The following MDGA2 variants were observed in gnomAD, a reference collection of about 807,000 sequenced individuals.
MDGA2 encodes the protein MAM domain containing glycosylphosphatidylinositol anchor 2, also known as MAM domain-containing glycosylphosphatidylinositol anchor protein 2.
MDGA2 carries 40 observed loss-of-function variants against 117.8 expected under a neutral mutation model. The ratio of observed to expected loss-of-function variants is 0.34; its 90% confidence interval spans 0.26 to 0.44. MDGA2 has a LOEUF of 0.44. Among genes scored for constraint, MDGA2 ranks in the 20% least tolerant of loss-of-function variants. The probability of loss-of-function intolerance (pLI) is 1.00; values close to 1 mark genes in which losing one functional copy is unlikely to be tolerated. For missense variants in MDGA2, 1,123 were observed against 1,250.6 expected (o/e 0.90, Z 1.54); for synonymous variants, 452 against 439.0 (o/e 1.03, Z -0.37).
At chr14:47,142,726 G>A (rs949024672) in intron 4 of MDGA2, among the ~76,000 whole-genome samples, 1 of 152,088 alleles carries the variant, frequency 6.6e-6, no homozygotes, top group African/African-American at 2.4e-5. Context: ...ATGTATGGGG[G>A]AAAATTCAGT....
chr14:47,135,073 T>C (rs991847994), intron 4 of MDGA2, among the ~76,000 whole-genome samples: 1 of 152,100 alleles, frequency 6.6e-6, no homozygotes, highest in Non-Finnish European at 1.5e-5. Flanking sequence ...ACTGAAATAG[T>C]ACCTAGTAAT....
chr14:46,880,726 C>T (rs752469967), intron 11 of MDGA2, among the ~76,000 whole-genome samples: 19 of 148,514 alleles, frequency 1.3e-4, no homozygotes, highest in Admixed American at 2.0e-4. Context: ...TGCTTGTACC[C>T]AGGAGGTGGA....
At chr14:47,405,885 G>C (rs1249189420) in intron 1 of MDGA2, among the ~76,000 whole-genome samples, 3 of 152,052 alleles carry the variant, frequency 2.0e-5, no homozygotes, top group Non-Finnish European at 4.4e-5. Flanking sequence ...ACTCAACATT[G>C]TAAGTAGCAC....
intron 3 of MDGA2, among the ~76,000 whole-genome samples, chr14:47,210,100 A>G (rs1885827293): frequency 6.6e-6 from 1 of 152,196 alleles, no homozygotes; most frequent in African/African-American, 2.4e-5. Flanking sequence ...TAACACAGGT[A>G]AATTGTACTT....
chr14:47,040,361 T>C (rs1456091053), intron 7 of MDGA2, among the ~76,000 whole-genome samples: 1 of 152,154 alleles, frequency 6.6e-6, no homozygotes, highest in African/African-American at 2.4e-5. Context: ...TTTTTTTTAC[T>C]GATTAAACAA....
chr14:47,657,078 G>A (rs1897759393), intron 1 of MDGA2, among the ~76,000 whole-genome samples: 1 of 152,094 alleles, frequency 6.6e-6, no homozygotes. Context: ...TATCACATAT[G>A]TCAGTGAAGA....
intron 3 of MDGA2, among the ~76,000 whole-genome samples, chr14:47,172,310 G>A (rs971842063): frequency 4.3e-4 from 65 of 152,172 alleles, no homozygotes; most frequent in African/African-American, 1.5e-3. Context: ...CTCCAAGCAC[G>A]CAGCTGGAGA....
chr14:47,510,508 T>G (rs1264498379), intron 1 of MDGA2, among the ~76,000 whole-genome samples: 12 of 152,202 alleles, frequency 7.9e-5, no homozygotes, highest in African/African-American at 2.9e-4. Flanking sequence ...GCTTGAGAGT[T>G]CTGCCTAATT....
chr14:47,267,280 A>T (rs1594762499), intron 2 of MDGA2, among the ~76,000 whole-genome samples: 2 of 103,442 alleles, frequency 1.9e-5, no homozygotes, highest in Admixed American at 3.2e-4. Flanking sequence ...ATTCTAAGTG[A>T]AAAAAAACAG....
intron 1 of MDGA2, among the ~76,000 whole-genome samples, chr14:47,416,515 T>G (rs966302828): frequency 6.6e-6 from 1 of 152,132 alleles, no homozygotes; most frequent in African/African-American, 2.4e-5. Context: ...TAGAATCACA[T>G]GAAGGCTACC....
At chr14:46,929,795 T>A (rs1276416335) in intron 9 of MDGA2, among the ~76,000 whole-genome samples, 2 of 149,334 alleles carry the variant, frequency 1.3e-5, no homozygotes, top group East Asian at 4.0e-4. Flanking sequence ...GGATTACACA[T>A]CCATCTAATT....
chr14:47,458,429 T>C (rs1285526636), intron 1 of MDGA2, among the ~76,000 whole-genome samples: 1 of 152,206 alleles, frequency 6.6e-6, no homozygotes, highest in Non-Finnish European at 1.5e-5. Context: ...TATGTTTAAG[T>C]CTTCAATCCA....
chr14:46,896,153 C>G (rs1883067711), intron 10 of MDGA2, among the ~76,000 whole-genome samples: 1 of 152,058 alleles, frequency 6.6e-6, no homozygotes, highest in African/African-American at 2.4e-5. Context: ...TTTGGGCAGT[C>G]ATTTTGGTTA....
chr14:47,342,708 T>C (rs1890666465), intron 1 of MDGA2, among the ~76,000 whole-genome samples: 1 of 152,122 alleles, frequency 6.6e-6, no homozygotes, highest in Non-Finnish European at 1.5e-5. Flanking sequence ...GTTTTTCAGG[T>C]AGGCCTACAG....
intron 5 of MDGA2, among the ~76,000 whole-genome samples, chr14:47,115,063 A>G (rs1881252964): frequency 6.6e-6 from 1 of 152,014 alleles, no homozygotes; most frequent in South Asian, 2.1e-4. Context: ...GGACAAAAGG[A>G]CAAAAGTGAT....
intron 1 of MDGA2, among the ~76,000 whole-genome samples, chr14:47,530,819 T>G (rs17118864): frequency 0.013 from 1,977 of 152,326 alleles, 40 homozygotes; most frequent in African/African-American, 0.044. Context: ...CTTAGAAACA[T>G]GAATGAGCAA....
At chr14:47,666,149 T>C (rs982718039) in intron 1 of MDGA2, among the ~76,000 whole-genome samples, 7 of 150,878 alleles carry the variant, frequency 4.6e-5, no homozygotes, top group Admixed American at 6.6e-5. Flanking sequence ...TAGCTCAGGG[T>C]TTCTGGATGC....
intron 1 of MDGA2, among the ~76,000 whole-genome samples, chr14:47,464,746 T>C (rs1173796016): frequency 6.6e-6 from 1 of 152,150 alleles, no homozygotes; most frequent in East Asian, 1.9e-4. Context: ...AAAATGGCTA[T>C]ACTGCCCAAA....
chr14:47,252,724 A>G (rs1887488060), intron 2 of MDGA2, among the ~76,000 whole-genome samples: 1 of 152,222 alleles, frequency 6.6e-6, no homozygotes, highest in Admixed American at 6.5e-5. Flanking sequence ...GAATACAGCA[A>G]GAACTGGCAA....
Sources: allele counts gnomAD v4.1 joint callset (sites outside exome capture counted in the v4.1 genomes callset), GRCh38; gene constraint gnomAD v4.1.1; transcripts MANE v1.5; gene names NCBI Gene and HGNC (gene_info 2026-07-23, HGNC 2026-07-21).